The following IMPG2 variants were observed in gnomAD, a reference collection of about 807,000 sequenced individuals.
IMPG2 encodes the protein IPM 200.
In IMPG2, 91 loss-of-function variants were observed where a neutral mutation model predicts 129.2. That is an observed-to-expected ratio of 0.70 (90% CI 0.59 to 0.84). The LOEUF is 0.84. IMPG2 is among the 40% of genes least tolerant of loss of function. The pLI is 0.00. For synonymous variants in IMPG2, 510 were observed against 517.7 expected (o/e 0.99, Z 0.20); for missense variants, 1,430 against 1,461.7 (o/e 0.98, Z 0.35).
chr3:101,228,191 TG>T (rs1282739888), intron 18 of IMPG2, among the ~76,000 whole-genome samples: 1 of 152,228 alleles, frequency 6.6e-6, no homozygotes, highest in African/African-American at 2.4e-5. Flanking sequence ...TACAGACATT[TG>T]CCCAAAATGC....
intron 14 of IMPG2, among the ~76,000 whole-genome samples, 197 bp downstream of exon 14, chr3:101,242,491 C>T (rs550633603): frequency 3.9e-5 from 6 of 152,110 alleles, no homozygotes; most frequent in Admixed American, 6.6e-5. Flanking sequence ...CATGTTTGGA[C>T]GATGTTTTGA....
At position 101,244,122 on chromosome 3, in the gene IMPG2, C is replaced by T. The variant is rs759454561; in HGVS notation, c.2209G>A (p.Asp737Asn). The change falls in exon 13 of 19, where the codon GAT becomes AAT. Residue 737 changes from aspartate (D) to asparagine (N), a missense_variant. By Grantham distance (23) the Asp-to-Asn change is conservative (BLOSUM62 1). Transcript: ENST00000193391. ...VAISASTDKS[D>N]QADAILREDM... ...TCCCTTAGGATGGCATCTGCCTGAT[C>T]TGATTTATCAGTAGAGGCAGAGATT... 3.1e-6 allele frequency: 5 copies of T among 1,613,944 alleles called. No homozygotes were observed. The highest frequency in any genetic ancestry group is 4.2e-6 in the Non-Finnish European group (5 of 1,180,022).
At chr3:101,282,655 C>T (rs1706904335) in intron 4 of IMPG2, among the ~76,000 whole-genome samples, 1 of 152,104 alleles carries the variant, frequency 6.6e-6, no homozygotes, top group Non-Finnish European at 1.5e-5. Context: ...TTCTCCTTTA[C>T]CTATACCCAA....
chr3:101,300,822 C>A (rs1004545901), intron 3 of IMPG2, among the ~76,000 whole-genome samples: 1 of 152,250 alleles, frequency 6.6e-6, no homozygotes, highest in African/African-American at 2.4e-5. Context: ...CTTTTAATTT[C>A]TTTCAAGAAC....
intron 3 of IMPG2, among the ~76,000 whole-genome samples, chr3:101,291,811 T>TG (rs1490894730): frequency 2.0e-5 from 3 of 152,200 alleles, no homozygotes; most frequent in Non-Finnish European, 2.9e-5. Flanking sequence ...GTTACAGACT[T>TG]GCAGAGTTTT....
At chr3:101,277,785 T>C (rs556645786) in intron 4 of IMPG2, among the ~76,000 whole-genome samples, 1 of 152,326 alleles carries the variant, frequency 6.6e-6, no homozygotes, top group East Asian at 1.9e-4. Context: ...TTTTCACATA[T>C]CCCAAAGCTA....
chr3:101,278,521 C>T (rs1454444253), intron 4 of IMPG2, among the ~76,000 whole-genome samples: 5 of 151,990 alleles, frequency 3.3e-5, no homozygotes, highest in African/African-American at 7.2e-5. Flanking sequence ...TAATTTAAAA[C>T]GTTTTAATAT....
chr3:101,286,194 G>A (rs1329203078), intron 4 of IMPG2, among the ~76,000 whole-genome samples: 1 of 151,792 alleles, frequency 6.6e-6, no homozygotes, highest in Non-Finnish European at 1.5e-5. Context: ...ACAATGTCTG[G>A]CCTATAACTA....
At chr3:101,298,981 C>T (rs1707112090) in intron 3 of IMPG2, among the ~76,000 whole-genome samples, 2 of 152,136 alleles carry the variant, frequency 1.3e-5, no homozygotes, top group African/African-American at 2.4e-5. Flanking sequence ...TGGATAATAT[C>T]CTGAAGTATG....
At position 101,269,506 on chromosome 3, in the gene IMPG2, T is replaced by C. The variant is rs1431274321; in HGVS notation, c.887+9A>G. 2.0e-6 allele frequency: 3 copies of C among 1,494,544 alleles called. No individual in the cohort carries two copies. The highest frequency in any genetic ancestry group is 2.8e-6 in the Non-Finnish European group (3 of 1,071,486). 92.6% of individuals were successfully genotyped at this position (1,494,544 alleles called of 1,614,324 possible). On this transcript the variant is annotated intron_variant, in intron 8 of 18. Transcript: ENST00000193391. The stretch of plus-strand genomic sequence containing the variant: ...CTGAAAATGTGCATATTTAGATAAG[T>C]CTATTTACCTAAATTCAAGTACACG...
At chr3:101,291,343 G>C (rs1707007202) in intron 4 of IMPG2, 136 bp downstream of exon 4, 1 of 759,878 alleles carries the variant, frequency 1.3e-6, no homozygotes, top group African/African-American at 1.7e-5. Context: ...AAAATATTTG[G>C]GACTTATCCA....
At chr3:101,302,865 A>G (rs932179812) in intron 3 of IMPG2, among the ~76,000 whole-genome samples, 5 of 152,136 alleles carry the variant, frequency 3.3e-5, no homozygotes, top group African/African-American at 1.2e-4. Flanking sequence ...AAACATTTAT[A>G]CCCTCGCAAA....
chr3:101,249,913 T>A (rs983452185), intron 11 of IMPG2, among the ~76,000 whole-genome samples: 1 of 149,854 alleles, frequency 6.7e-6, no homozygotes, highest in African/African-American at 2.5e-5. Context: ...AAACATAAAA[T>A]AAAAAAAAAT....
intron 1 of IMPG2, 39 bp downstream of exon 1, chr3:101,320,249 G>C (rs750205397): frequency 1.5e-5 from 17 of 1,151,972 alleles, no homozygotes; most frequent in Non-Finnish European, 2.1e-5. Flanking sequence ...ATATACTACA[G>C]ATATGGAAAG....
chr3:101,268,787 G>A (rs76735336), intron 8 of IMPG2, among the ~76,000 whole-genome samples: 1,703 of 152,218 alleles, frequency 0.011, 33 homozygotes, highest in African/African-American at 0.038. Context: ...CTAGCATGAA[G>A]GTTCAGAGCA....
intron 2 of IMPG2, among the ~76,000 whole-genome samples, chr3:101,315,394 C>T (rs529637639): frequency 2.0e-5 from 3 of 152,122 alleles, no homozygotes; most frequent in Non-Finnish European, 2.9e-5. Context: ...GAGTCAGGGA[C>T]GATGATGATG....
At chr3:101,278,501 A>T (rs1706861172) in intron 4 of IMPG2, among the ~76,000 whole-genome samples, 1 of 152,186 alleles carries the variant, frequency 6.6e-6, no homozygotes, top group African/African-American at 2.4e-5. Flanking sequence ...GCTAAATAAG[A>T]ACTGATGTAT....
chr3:101,268,630 T>C lies in IMPG2; in HGVS notation c.887+885A>G, dbSNP rs543776780. Among the ~76,000 whole-genome samples the C allele has an allele frequency of 1.5e-3, 226 of 151,760 alleles. 1 individual carries two copies. Among genetic ancestry groups the C allele is most frequent in the African/African-American group, 5.1e-3 (211 of 41,398 alleles). On this transcript the variant is annotated intron_variant, in intron 8 of 18. Transcript: ENST00000193391. ...GTGTGTGTAAATATACATATATATA[T>C]ATATAAAGCCTGGCACACTGTAAAT...
At chr3:101,227,934 T>C (rs906649662) in intron 18 of IMPG2, 1 of 431,406 alleles carries the variant, frequency 2.3e-6, no homozygotes, top group Non-Finnish European at 4.7e-6. Flanking sequence ...TTGTGACCCT[T>C]CATTAATTTC....
Sources: allele counts gnomAD v4.1 joint callset (sites outside exome capture counted in the v4.1 genomes callset), GRCh38; gene constraint gnomAD v4.1.1; transcripts MANE v1.5; gene names NCBI Gene and HGNC (gene_info 2026-07-23, HGNC 2026-07-21).